The following PRDM5 variants were observed in gnomAD, a reference collection of about 807,000 sequenced individuals.
PRDM5 encodes the protein PR domain zinc finger protein 5.
Under a neutral mutation model 81.2 loss-of-function variants are expected in PRDM5, and 56 were observed. The observed-to-expected ratio is 0.69, with a 90% confidence interval of 0.56 to 0.86. The LOEUF is 0.86. PRDM5 is among the 40% of genes least tolerant of loss of function. The pLI is 0.00. For missense variants in PRDM5, 697 were observed against 770.1 expected, an observed-to-expected ratio of 0.91 and a Z score of 1.12; for synonymous variants, 267 against 256.4, an observed-to-expected ratio of 1.04 and a Z score of -0.39.
intron 7 of PRDM5, among the ~76,000 whole-genome samples, chr4:120,813,959 G>A (rs1437893468): frequency 6.6e-6 from 1 of 152,114 alleles, no homozygotes; most frequent in Non-Finnish European, 1.5e-5. Context: ...CTGCCTGCAG[G>A]TATCAAAGGG....
rs180839510 is a variant in PRDM5 at position 120,835,714 on chromosome 4, C to G, written c.301-14369G>C. Among the ~76,000 whole-genome samples, 43 of 152,080 alleles carry G rather than the reference C, an allele frequency of 2.8e-4. 1 individual carries two copies. The highest frequency in any genetic ancestry group is 2.4e-3 in the Admixed American group (37 of 15,284). ...AGTCAACTAAACCTCTTTTTTTTCC[C>G]AGTCTCTGGTACATCTTTATCAGCA... On this transcript the variant is annotated intron_variant, in intron 3 of 15. Transcript: ENST00000264808.
intron 11 of PRDM5, 43 bp downstream of exon 11, chr4:120,784,955 G>A (rs1481876863): frequency 6.9e-7 from 1 of 1,448,216 alleles, no homozygotes; most frequent in East Asian, 2.3e-5. Flanking sequence ...AACAAAGTAT[G>A]AGATAATTCC....
At chr4:120,771,456 T>C (rs1217125818) in intron 13 of PRDM5, among the ~76,000 whole-genome samples, 7 of 152,130 alleles carry the variant, frequency 4.6e-5, no homozygotes, top group Non-Finnish European at 8.8e-5. Context: ...CATTTAAACA[T>C]GTATTAAAAA....
chr4:120,806,593 T>C (rs1238569875), intron 8 of PRDM5, among the ~76,000 whole-genome samples: 2 of 152,118 alleles, frequency 1.3e-5, no homozygotes, highest in Non-Finnish European at 2.9e-5. Flanking sequence ...AGACAAGAAA[T>C]GGGGAAAGGA....
intron 10 of PRDM5, among the ~76,000 whole-genome samples, chr4:120,791,509 C>A (rs1007532099): frequency 1.3e-5 from 2 of 152,308 alleles, no homozygotes; most frequent in Admixed American, 6.5e-5. Context: ...AAAGATTTTA[C>A]AAGAGATATG....
At chr4:120,858,942 CT>C (rs767826838) in intron 2 of PRDM5, among the ~76,000 whole-genome samples, 36 of 152,310 alleles carry the variant, frequency 2.4e-4, no homozygotes, top group Middle Eastern at 3.4e-3. Context: ...GACTACATCA[CT>C]TTGGGTGAGT....
In PRDM5 at chr4:120,921,542, G is replaced by A. The variant is rs545511934; in HGVS notation, c.93+974C>T. ...GGAGAGGGTTATATGCAGATGAAAGGCACCCTAGTGTCTCTACTGCATCCT... is the reference window on the plus strand; with the variant it reads ...GGAGAGGGTTATATGCAGATGAAAGACACCCTAGTGTCTCTACTGCATCCT... On this transcript the variant is annotated intron_variant, in intron 1 of 15. Coordinates refer to ENST00000264808, the MANE Select transcript of PRDM5 (RefSeq NM_018699.4). 2.9e-3 allele frequency among the ~76,000 whole-genome samples: 443 copies of A among 152,220 alleles called. 3 individuals carry two copies. The highest frequency in any genetic ancestry group is 9.9e-3 in the African/African-American group (410 of 41,530).
At chr4:120,775,705 T>C (rs1748054037) in intron 13 of PRDM5, among the ~76,000 whole-genome samples, 1 of 152,190 alleles carries the variant, frequency 6.6e-6, no homozygotes, top group Non-Finnish European at 1.5e-5. Flanking sequence ...TGCACACTAA[T>C]ACAGCATGAT....
intron 14 of PRDM5, among the ~76,000 whole-genome samples, chr4:120,726,196 A>G: frequency 6.6e-6 from 1 of 152,218 alleles, no homozygotes; most frequent in South Asian, 2.1e-4. Flanking sequence ...TGTTATTTTA[A>G]GAAAAAATAT....
At chr4:120,790,018 A>C (rs1382548656) in intron 10 of PRDM5, among the ~76,000 whole-genome samples, 3 of 152,148 alleles carry the variant, frequency 2.0e-5, no homozygotes, top group African/African-American at 7.2e-5. Context: ...CTAAGAGAAG[A>C]AATAACCACA....
rs1297649232 is a variant in PRDM5, at chr4:120,724,982, A to G, written c.1624-14569T>C. 2.0e-5 allele frequency among the ~76,000 whole-genome samples: 3 copies of G among 152,072 alleles called. No homozygotes were observed. In the East Asian group the frequency reaches 5.8e-4, roughly 29 times the overall value. ...GCCCCAGTCAAACTTAAAAATGCTG[A>G]AAAAACAGCTTATTTGCACAGGTGA... On this transcript the variant is annotated intron_variant, in intron 14 of 15. Coordinates refer to ENST00000264808, the MANE Select transcript of PRDM5 (RefSeq NM_018699.4).
Position 120,878,632 on chromosome 4 carries a change from G to C in PRDM5, c.178-25092C>G, listed in dbSNP as rs191191196. On this transcript the variant is annotated intron_variant, in intron 2 of 15. Coordinates refer to ENST00000264808, the MANE Select transcript of PRDM5 (RefSeq NM_018699.4). ...CACTGTAAAGTGCACAAAAAGATGA[G>C]CCACACAGTGATACAAAAATCTTTG... Among the ~76,000 whole-genome samples, 179 of 152,102 alleles carry C rather than the reference G, an allele frequency of 1.2e-3. 2 individuals carry two copies. Among genetic ancestry groups the C allele is most frequent in the Admixed American group, 1.6e-3 (24 of 15,282 alleles).
At position 120,918,191 on chromosome 4, in the gene PRDM5, A is replaced by T. The variant is rs184411802; in HGVS notation, c.93+4325T>A. ...AAATGTTAGAGTAGTTACATAGTTT[A>T]AAAAATGTTTAATAACACCAGGAAA... On this transcript the variant is annotated intron_variant, in intron 1 of 15. Transcript: ENST00000264808. Among the ~76,000 whole-genome samples the T allele has an allele frequency of 2.2e-3, 328 of 152,374 alleles. 1 individual carries two copies. Among genetic ancestry groups the T allele is most frequent in the African/African-American group, 7.5e-3 (312 of 41,588 alleles).
In PRDM5 at chr4:120,781,286, A is replaced by C; in HGVS notation, c.1300T>G (p.Cys434Gly). The C allele has an allele frequency of 1.2e-6, 2 of 1,613,078 alleles. No individual in the cohort carries two copies. Among genetic ancestry groups the C allele is most frequent in the Non-Finnish European group, 1.7e-6 (2 of 1,179,356 alleles). The part of the protein sequence containing the change: ...LIHNSERTFK[C>G]HHCDATFKRK... The stretch of plus-strand genomic sequence containing the variant: ...TTAAAGGTAGCATCGCAGTGATGGC[A>C]CTTGAAAGTCCTCTCACCTTAGAAA... Residue 434 changes from cysteine to glycine, a missense_variant, in exon 12 of 16, where the codon TGC becomes GGC. This residue lies in a region of PRDM5 where 577 missense variants were observed against 606.7 expected (regional missense o/e 0.95). Coordinates refer to ENST00000264808, the MANE Select transcript of PRDM5 (RefSeq NM_018699.4).
intron 9 of PRDM5, among the ~76,000 whole-genome samples, chr4:120,798,786 G>C (rs1751696136): frequency 6.6e-6 from 1 of 152,186 alleles, no homozygotes; most frequent in Non-Finnish European, 1.5e-5. Flanking sequence ...ACAAAGAACA[G>C]AGCTGCCTTC....
At chr4:120,769,638 T>A (rs1203558387) in intron 13 of PRDM5, among the ~76,000 whole-genome samples, 1 of 152,186 alleles carries the variant, frequency 6.6e-6, no homozygotes, top group Non-Finnish European at 1.5e-5. Flanking sequence ...TTCTAAGGCT[T>A]ACAAATACTT....
chr4:120,818,382 T>C lies in PRDM5; in HGVS notation c.621A>G (p.Lys207=). ...KEFKCKNCGK[K]FPVKQALQRH... ...TTTGCAAAGCCTGCTTAACTGGGAA[T>C]TTCTTCCCACAGTTCTTGCACTTAA... The change falls in exon 5 of 16, where the codon AAA becomes AAG. Residue 207 remains lysine, a synonymous_variant. Coordinates refer to ENST00000264808, the MANE Select transcript of PRDM5 (RefSeq NM_018699.4). The C allele has an allele frequency of 1.2e-6, 2 of 1,614,060 alleles. No individual in the cohort carries two copies. The highest frequency in any genetic ancestry group is 2.7e-5 in the African/African-American group (2 of 75,054).
At chr4:120,776,589 T>G (rs1259330162) in intron 13 of PRDM5, among the ~76,000 whole-genome samples, 1 of 152,222 alleles carries the variant, frequency 6.6e-6, no homozygotes, top group Non-Finnish European at 1.5e-5. Flanking sequence ...CAAGGGCTTA[T>G]CTATGTGATA....
chr4:120,778,354 T>G (rs1258473974), intron 12 of PRDM5, among the ~76,000 whole-genome samples: 2 of 152,090 alleles, frequency 1.3e-5, no homozygotes, highest in Admixed American at 6.6e-5. Context: ...AGAAAAAGGT[T>G]TTTTTAAATG....
Sources: gnomAD v4.1 joint callset for allele counts (sites outside exome capture counted in the v4.1 genomes callset) on GRCh38, gnomAD v4.1.1 for gene constraint, gnomAD v4.1.1 regional missense constraint, MANE v1.5 for transcripts, NCBI Gene and HGNC (gene_info 2026-07-23, HGNC 2026-07-21) for gene names.